Variants in ABR observed in about 807,000 individuals in gnomAD.
ABR encodes active breakpoint cluster region-related protein.
A neutral mutation model predicts 107.2 loss-of-function variants in ABR; 35 were observed. That is an observed-to-expected ratio of 0.33 (90% CI 0.25 to 0.43). The LOEUF is 0.43. Ranked by LOEUF, ABR falls within the 20% of genes least tolerant of loss-of-function variation. The probability of loss-of-function intolerance (pLI) is 1.00; values close to 1 mark genes in which losing one functional copy is unlikely to be tolerated. For missense variants in ABR, 815 were observed against 1,115.2 expected (o/e 0.73, Z 3.83); for synonymous variants, 498 against 462.0 (o/e 1.08, Z -1.00).
chr17:1,208,887 C>CAAAA lies in ABR; in HGVS notation c.838+19902_838+19905dup, dbSNP rs544264330. On this transcript the variant is annotated intron_variant, in intron 1 of 22. Coordinates refer to the ABR transcript ENST00000574139. ...TGGGTGAGAGTGTGAGACTCCGTCT[C>CAAAA]AAAAAAAAAAAAAAAAAGCCTGCTT... Among the ~76,000 whole-genome samples, 485 of 64,686 alleles carry CAAAA rather than the reference C, an allele frequency of 7.5e-3. 10 individuals are homozygous for CAAAA. The highest frequency in any genetic ancestry group is 0.024 in the African/African-American group (446 of 18,858). The allele number at this position is 64,686 out of a possible 152,430, so 42.4% of individuals were successfully genotyped here.
chr17:1,028,129 T>G (rs190872769), intron 16 of ABR, among the ~76,000 whole-genome samples: 1 of 152,064 alleles, frequency 6.6e-6, no homozygotes, highest in African/African-American at 2.4e-5. Flanking sequence ...CTCGCTCTGT[T>G]GCCCAGGCTG....
chr17:1,208,093 T>A (rs1226159725), intron 1 of ABR, among the ~76,000 whole-genome samples: 1 of 152,118 alleles, frequency 6.6e-6, no homozygotes, highest in Non-Finnish European at 1.5e-5. Flanking sequence ...TTGGGGCCAT[T>A]GATATCAGAG....
chr17:1,111,824 T>G (rs1438277253), intron 2 of ABR, among the ~76,000 whole-genome samples: 1 of 152,200 alleles, frequency 6.6e-6, no homozygotes, highest in Non-Finnish European at 1.5e-5. Flanking sequence ...GCTGCAGCCC[T>G]GGTGTCTTGC....
At position 1,079,526 on chromosome 17, in the gene ABR, C is replaced by T. The variant is rs952968674; in HGVS notation, c.640-136G>A. The stretch of plus-strand genomic sequence containing the variant: ...AACAGAGGCCGGGTGTGGCGGCTCA[C>T]GCCAGTCATCCCAGCACTTTGAGAG... On this transcript the variant is annotated intron_variant, in intron 5 of 22. Transcript: ENST00000302538. 3.3e-5 allele frequency: 27 copies of T among 807,668 alleles called. No individual in the cohort carries two copies. The Admixed American group carries it at 3.7e-4, about 11-fold the overall frequency. The allele number at this position is 807,668 out of a possible 1,614,324, so 50.0% of individuals were successfully genotyped here.
intron 16 of ABR, among the ~76,000 whole-genome samples, chr17:1,013,540 AACTGAGGCTC>A (rs2070843678): frequency 2.0e-5 from 3 of 152,202 alleles, no homozygotes; most frequent in African/African-American, 7.2e-5. Flanking sequence ...CAGATGCAGA[AACTGAGGCTC>A]ACAAAAGGTA....
Position 1,056,984 on chromosome 17 carries a change from G to T in ABR, c.1486+14C>A, listed in dbSNP as rs1317876722. ...GGACCTGCCGGTTGGGCCACCTCTGGTTCCCGAGCTTACCGTCTTTATTGC... is the reference window on the plus strand; with the variant it reads ...GGACCTGCCGGTTGGGCCACCTCTGTTTCCCGAGCTTACCGTCTTTATTGC... On this transcript the variant is annotated intron_variant, in intron 13 of 22. Transcript: ENST00000302538. 1.3e-6 allele frequency: 2 copies of T among 1,592,174 alleles called. No individual in the cohort carries two copies. The highest frequency in any genetic ancestry group is 1.7e-6 in the Non-Finnish European group (2 of 1,161,552).
chr17:1,058,025 G>A lies in ABR; in HGVS notation c.1326C>T (p.Ser442=). ...TCCACTCTGACCTCTCGTAGTCCGAGGACAGTAGGAACAGGTAACTCTGAA... is the reference window on the plus strand; with the variant it reads ...TCCACTCTGACCTCTCGTAGTCCGAAGACAGTAGGAACAGGTAACTCTGAA... The part of the protein sequence containing the change: ...RNGKSYLFLL[S]SDYERSEWRE... Residue 442 remains serine, a synonymous_variant, in exon 12 of 23, where the codon TCC becomes TCT. Transcript: ENST00000302538. 1.2e-6 allele frequency: 2 copies of A among 1,613,676 alleles called. No homozygotes were observed. The highest frequency in any genetic ancestry group is 1.7e-5 in the Admixed American group (1 of 59,990).
intron 16 of ABR, among the ~76,000 whole-genome samples, chr17:1,025,842 G>A (rs2072153298): frequency 6.6e-6 from 1 of 152,180 alleles, no homozygotes; most frequent in Non-Finnish European, 1.5e-5. Context: ...GGGCGCCTCT[G>A]TGTCCCTAGT....
At chr17:1,057,701 G>T in intron 12 of ABR, 1 of 422,726 alleles carries the variant, frequency 2.4e-6, no homozygotes, top group Admixed American at 3.5e-5. Context: ...GTGTGTGTGT[G>T]TGAGAGAGAG....
intron 1 of ABR, among the ~76,000 whole-genome samples, chr17:1,217,127 A>C (rs2043025119): frequency 6.6e-6 from 1 of 152,136 alleles, no homozygotes; most frequent in Non-Finnish European, 1.5e-5. Context: ...TTTAAAATAA[A>C]ACGGAAAGGC....
At chr17:1,117,729 C>T (rs1356756064) in intron 2 of ABR, among the ~76,000 whole-genome samples, 2 of 55,022 alleles carry the variant, frequency 3.6e-5, no homozygotes, top group Admixed American at 1.9e-4. Context: ...CCTGAGTTCT[C>T]CCCAGCGTTA....
chr17:1,119,529 G>A (rs9747620), intron 2 of ABR, among the ~76,000 whole-genome samples: 63,758 of 87,526 alleles, frequency 0.73, 24,637 homozygotes, highest in East Asian at 0.88. Flanking sequence ...TCTTCCCAGC[G>A]TTATTGCCTG....
chr17:1,012,320 G>C, intron 18 of ABR: 1 of 639,872 alleles, frequency 1.6e-6, no homozygotes, highest in South Asian at 1.5e-5. Flanking sequence ...TCAGGCCTGA[G>C]ACAAGGGGCC....
intron 16 of ABR, among the ~76,000 whole-genome samples, chr17:1,018,499 C>T (rs2071378048): frequency 6.6e-6 from 1 of 152,236 alleles, no homozygotes; most frequent in South Asian, 2.1e-4. Flanking sequence ...CCCACAGCCC[C>T]TCCTCCGCCC....
At chr17:1,216,896 CCT>C (rs1160583167) in intron 1 of ABR, among the ~76,000 whole-genome samples, 1 of 152,148 alleles carries the variant, frequency 6.6e-6, no homozygotes, top group Non-Finnish European at 1.5e-5. Flanking sequence ...CACTCTGTGC[CCT>C]CTGAGACAAT....
At chr17:1,173,741 G>A (rs377129267) in intron 1 of ABR, among the ~76,000 whole-genome samples, 88 of 152,294 alleles carry the variant, frequency 5.8e-4, no homozygotes, top group African/African-American at 1.9e-3. Flanking sequence ...CACCTATGGA[G>A]GGCCTGTGCG....
At chr17:1,012,043 A>G in intron 18 of ABR, 58 bp from the exon 19 acceptor site, 3 of 1,605,680 alleles carry the variant, frequency 1.9e-6, no homozygotes, top group South Asian at 2.2e-5. Flanking sequence ...CTCCCGTAGC[A>G]ACCCCCACCC....
rs555577418 is a variant in ABR, at chr17:1,003,763, T to TCCTGCTGGGCACAGCCCAC, written c.*2298_*2316dup. 5 of 152,408 alleles carry TCCTGCTGGGCACAGCCCAC rather than the reference T, an allele frequency of 3.3e-5. No individual in the cohort carries two copies. Among genetic ancestry groups the TCCTGCTGGGCACAGCCCAC allele is most frequent in the African/African-American group, 7.2e-5 (3 of 41,454 alleles). The allele number at this position is 152,408 out of a possible 1,614,324, so 9.4% of individuals were successfully genotyped here. ...CAGACCTGGCGTTTCTTAGCCTGAC[T>TCCTGCTGGGCACAGCCCAC]CCTGCTGGGCACAGCCCACCCTGCT... On this transcript the variant is annotated 3_prime_UTR_variant, in exon 23 of 23. Coordinates refer to ENST00000302538, the MANE Select transcript of ABR (RefSeq NM_021962.5).
rs1454546941 is a variant in ABR at position 1,057,254 on chromosome 17, AC to A, written c.1382-153del. The A allele has an allele frequency of 7.1e-5, 38 of 533,230 alleles. 1 individual carries two copies. The highest frequency in any genetic ancestry group is 5.3e-4 in the South Asian group (28 of 52,716). The allele number at this position is 533,230 out of a possible 1,614,324, so 33.0% of individuals were successfully genotyped here. The stretch of plus-strand genomic sequence containing the variant: ...GGGAAGGATTTGTGGACACAGCAGG[AC>A]TGGTGTAGATGCTGCGAGAGGGGTC... On this transcript the variant is annotated intron_variant, in intron 12 of 22. Transcript: ENST00000302538.
Sources: gnomAD v4.1 joint callset for allele counts (sites outside exome capture counted in the v4.1 genomes callset) on GRCh38, gnomAD v4.1.1 for gene constraint, MANE v1.5 for transcripts, NCBI Gene and HGNC (gene_info 2026-07-23, HGNC 2026-07-21) for gene names.